Variants in WIPF2 observed in about 807,000 individuals in gnomAD.
The protein encoded by WIPF2 is WAS/WASL interacting protein family member 2.
In WIPF2, 23 loss-of-function variants were observed where a neutral mutation model predicts 38.8. That is an observed-to-expected ratio of 0.59 (90% CI 0.43 to 0.84). WIPF2 has a LOEUF of 0.84. Among genes scored for constraint, WIPF2 ranks in the 40% least tolerant of loss-of-function variants. The pLI is 0.00. For missense variants in WIPF2, 574 were observed against 580.5 expected, an observed-to-expected ratio of 0.99 and a Z score of 0.11; for synonymous variants, 210 against 223.2, an observed-to-expected ratio of 0.94 and a Z score of 0.53.
rs368546530 is a variant in WIPF2 at position 40,246,755 on chromosome 17, C to G, written c.-69-9636C>G. Among the ~76,000 whole-genome samples, 87 of 152,188 alleles carry G rather than the reference C, an allele frequency of 5.7e-4. 1 individual carries two copies. The South Asian group carries it at 0.018, about 31-fold the overall frequency. On this transcript the variant is annotated intron_variant, in intron 1 of 7. Transcript: ENST00000323571. ...AATTCAGCAAGTGACTGCTGAGCAG[C>G]TACGGTATGCTGTAGAATAATGAGA...
At chr17:40,251,759 G>A (rs1272094561) in intron 1 of WIPF2, among the ~76,000 whole-genome samples, 1 of 152,078 alleles carries the variant, frequency 6.6e-6, no homozygotes, top group East Asian at 1.9e-4. Context: ...GTACATGTAG[G>A]CACTCCCACT....
rs989767032 is a variant in WIPF2, at chr17:40,248,606, C to G, written c.-69-7785C>G. On this transcript the variant is annotated intron_variant, in intron 1 of 7. Coordinates refer to ENST00000323571, the MANE Select transcript of WIPF2 (RefSeq NM_133264.5). ...TTGAGCCATAATGCCCTGCCTGACT[C>G]TCTTTCTACCAAACATTTATGTTTC... Among the ~76,000 whole-genome samples the G allele has an allele frequency of 5.9e-5, 9 of 152,210 alleles. 1 individual carries two copies.
chr17:40,276,825 C>CA (rs2032417773), intron 6 of WIPF2, among the ~76,000 whole-genome samples: 1 of 152,000 alleles, frequency 6.6e-6, no homozygotes, highest in Admixed American at 6.6e-5. Flanking sequence ...GCGAGACTGT[C>CA]AAAAAATAAA....
chr17:40,279,351 A>C lies in WIPF2; in HGVS notation c.*1126A>C, dbSNP rs1256108493. 1.3e-5 allele frequency: 2 copies of C among 152,798 alleles called. No individual in the cohort carries two copies. Among genetic ancestry groups the C allele is most frequent in the Admixed American group, 6.5e-5 (1 of 15,270 alleles). The allele number at this position is 152,798 out of a possible 1,614,324, so 9.5% of individuals were successfully genotyped here. On this transcript the variant is annotated 3_prime_UTR_variant, in exon 8 of 8. Transcript: ENST00000323571. ...AAGTTCACAGCCCACCTGACTGAGCAGACTCTTCCTGTTCCTTTCTCTACC... is the reference window on the plus strand; with the variant it reads ...AAGTTCACAGCCCACCTGACTGAGCCGACTCTTCCTGTTCCTTTCTCTACC...
chr17:40,264,990 T>G lies in WIPF2; in HGVS notation c.814T>G (p.Ser272Ala). ...PNGPSSPTNESAPELPQRHNS... is the reference protein window; with the variant it reads ...PNGPSSPTNEAAPELPQRHNS... ...TGGACCCTCTAGCCCCACTAATGAG[T>G]CAGCCCCTGAGCTGCCACAGAGACA... Residue 272 changes from serine to alanine, a missense_variant, in exon 5 of 8, where the codon TCA (serine) becomes GCA (alanine). Physicochemically the swap from Ser to Ala is moderately conservative, Grantham distance 99 (BLOSUM62 1). Transcript: ENST00000323571. 1 of 1,613,960 alleles carries G rather than the reference T, an allele frequency of 6.2e-7. No homozygotes were observed. Among genetic ancestry groups the G allele is most frequent in the Non-Finnish European group, 8.5e-7 (1 of 1,179,944 alleles).
At chr17:40,233,861 C>T (rs893698847) in intron 1 of WIPF2, among the ~76,000 whole-genome samples, 2 of 151,594 alleles carry the variant, frequency 1.3e-5, no homozygotes, top group Non-Finnish European at 2.9e-5. Flanking sequence ...GTTGGGAGTT[C>T]GAGACCAGCC....
chr17:40,245,646 C>G (rs1323871600), intron 1 of WIPF2, among the ~76,000 whole-genome samples: 1 of 151,996 alleles, frequency 6.6e-6, no homozygotes, highest in African/African-American at 2.4e-5. Context: ...CCTGTCCTGA[C>G]CAGATAATTC....
In WIPF2 at chr17:40,224,231, CTTTTTT is replaced by C. The variant is rs57637591; in HGVS notation, c.-70+4752_-70+4757del. On this transcript the variant is annotated intron_variant, in intron 1 of 7. Coordinates refer to ENST00000323571, the MANE Select transcript of WIPF2 (RefSeq NM_133264.5). ...GCTTATTTTTTTTTTCTTTTCTTTTCTTTTTTTTTTTTTTTTTTGAGACGGAGTCTC... is the reference window on the plus strand; with the variant it reads ...GCTTATTTTTTTTTTCTTTTCTTTTCTTTTTTTTTTTTGAGACGGAGTCTC... 1.2e-4 allele frequency among the ~76,000 whole-genome samples: 13 copies of C among 110,118 alleles called. No individual in the cohort carries two copies. The East Asian group carries it at 3.6e-3, about 30-fold the overall frequency. 72.2% of individuals were successfully genotyped at this position (110,118 alleles called of 152,430 possible). A position where few individuals can be genotyped will look rare whatever the true frequency, so the allele number is the denominator to read the frequency against.
At chr17:40,240,739 T>TG (rs1048629238) in intron 1 of WIPF2, among the ~76,000 whole-genome samples, 1 of 151,754 alleles carries the variant, frequency 6.6e-6, no homozygotes, top group Non-Finnish European at 1.5e-5. Flanking sequence ...GGTCAGGAGA[T>TG]GGAGACCATC....
rs1483274246 is a variant in WIPF2 at position 40,262,443 on chromosome 17, A to G, written c.197-82A>G. The G allele has an allele frequency of 1.5e-5, 17 of 1,100,986 alleles. No individual in the cohort carries two copies. The East Asian group carries it at 3.8e-4, about 25-fold the overall frequency. The allele number at this position is 1,100,986 out of a possible 1,614,324, so 68.2% of individuals were successfully genotyped here. Reference sequence around the variant, plus strand: ...TTTGTTTGCAAGCGATAGCCCAGATAGAGGAGTGGTTTCCCCTCATGATTT... The same window carrying G: ...TTTGTTTGCAAGCGATAGCCCAGATGGAGGAGTGGTTTCCCCTCATGATTT... On this transcript the variant is annotated intron_variant, in intron 3 of 7. Transcript: ENST00000323571.
intron 5 of WIPF2, among the ~76,000 whole-genome samples, chr17:40,266,473 G>C (rs2032091575): frequency 6.6e-6 from 1 of 152,172 alleles, no homozygotes; most frequent in Non-Finnish European, 1.5e-5. Context: ...AGTATCATGG[G>C]ACCCTTTTGA....
chr17:40,261,384 G>A (rs1446964942), intron 3 of WIPF2, among the ~76,000 whole-genome samples: 3 of 151,124 alleles, frequency 2.0e-5, no homozygotes, highest in South Asian at 2.1e-4. Context: ...TGCAACCTCC[G>A]CCTCCCAGGT....
rs908029567 is a variant in WIPF2, at chr17:40,280,974, T to C, written c.*2749T>C. 3 of 152,674 alleles carry C rather than the reference T, an allele frequency of 2.0e-5. No individual in the cohort carries two copies. The highest frequency in any genetic ancestry group is 4.4e-5 in the Non-Finnish European group (3 of 68,038). 9.5% of individuals were successfully genotyped at this position (152,674 alleles called of 1,614,324 possible). On this transcript the variant is annotated 3_prime_UTR_variant, in exon 8 of 8. Transcript: ENST00000323571. ...GATTTATTACTATGTATATTTACTATTGAAGATGGGAATGTGATCTGCATA... is the reference window on the plus strand; with the variant it reads ...GATTTATTACTATGTATATTTACTACTGAAGATGGGAATGTGATCTGCATA...
chr17:40,271,319 G>T (rs2032243400), intron 5 of WIPF2, among the ~76,000 whole-genome samples: 1 of 152,166 alleles, frequency 6.6e-6, no homozygotes, highest in Admixed American at 6.5e-5. Context: ...CTGTTAAGCT[G>T]AGTAGTCTCT....
In WIPF2 at chr17:40,233,636, A is replaced by G. The variant is rs533120753; in HGVS notation, c.-70+14144A>G. Among the ~76,000 whole-genome samples, 45 of 152,042 alleles carry G rather than the reference A, an allele frequency of 3.0e-4. No homozygotes were observed. In the East Asian group the frequency reaches 8.5e-3, roughly 29 times the overall value. On this transcript the variant is annotated intron_variant, in intron 1 of 7. Coordinates refer to ENST00000323571, the MANE Select transcript of WIPF2 (RefSeq NM_133264.5). ...TATACAGTTCTTTCTTGAGTTTTCC[A>G]TTCTTACATATTATCTGTTGAGGCT...
At position 40,281,293 on chromosome 17, in the gene WIPF2, C is replaced by T. The variant is rs545793817; in HGVS notation, c.*3068C>T. The T allele has an allele frequency of 4.6e-5, 7 of 151,972 alleles. No homozygotes were observed. The highest frequency in any genetic ancestry group is 1.3e-4 in the Admixed American group (2 of 15,238). The allele number at this position is 151,972 out of a possible 1,614,324, so 9.4% of individuals were successfully genotyped here. A position where few individuals can be genotyped will look rare whatever the true frequency, so the allele number is the denominator to read the frequency against. On this transcript the variant is annotated 3_prime_UTR_variant, in exon 8 of 8. Transcript: ENST00000323571. ...TGATGTTTTTCCCTAATGGGAAAAA[C>T]GTTATAGTTGTTTCTTACTGCCCTG...
rs1360317674 is a variant in WIPF2, at chr17:40,280,894, C to A, written c.*2669C>A. 3 of 152,534 alleles carry A rather than the reference C, an allele frequency of 2.0e-5. No homozygotes were observed. Among genetic ancestry groups the A allele is most frequent in the Non-Finnish European group, 4.4e-5 (3 of 68,022 alleles). The allele number at this position is 152,534 out of a possible 1,614,324, so 9.4% of individuals were successfully genotyped here. A position where few individuals can be genotyped will look rare whatever the true frequency, so the allele number is the denominator to read the frequency against. ...TTTTTTTTAGAGCATGTTGATGATA[C>A]AACACCTGTTTAAATGTCTGCCTTA... On this transcript the variant is annotated 3_prime_UTR_variant, in exon 8 of 8. Coordinates refer to ENST00000323571, the MANE Select transcript of WIPF2 (RefSeq NM_133264.5).
chr17:40,245,039 G>A (rs752741284), intron 1 of WIPF2, among the ~76,000 whole-genome samples: 1 of 152,134 alleles, frequency 6.6e-6, no homozygotes, highest in African/African-American at 2.4e-5. Flanking sequence ...CCAGCTACTG[G>A]GGAGGCTGAG....
At position 40,279,113 on chromosome 17, in the gene WIPF2, G is replaced by A. The variant is rs1254877500; in HGVS notation, c.*888G>A. The A allele has an allele frequency of 6.6e-6, 1 of 152,284 alleles. No individual in the cohort carries two copies. The highest frequency in any genetic ancestry group is 1.5e-5 in the Non-Finnish European group (1 of 68,090). The allele number at this position is 152,284 out of a possible 1,614,324, so 9.4% of individuals were successfully genotyped here. On this transcript the variant is annotated 3_prime_UTR_variant, in exon 8 of 8. Coordinates refer to ENST00000323571, the MANE Select transcript of WIPF2 (RefSeq NM_133264.5). ...CACAAACCCCAAAAACCTCTGGTGG[G>A]AGATAGGAAGATAGGGCGTGGGCCT...
Sources: allele counts gnomAD v4.1 joint callset (sites outside exome capture counted in the v4.1 genomes callset), GRCh38; gene constraint gnomAD v4.1.1; transcripts MANE v1.5; gene names NCBI Gene and HGNC (gene_info 2026-07-23, HGNC 2026-07-21).